The following ZNF438 variants were observed in gnomAD, a reference collection of about 807,000 sequenced individuals.
ZNF438 encodes the protein zinc finger protein 438.
ZNF438 carries 25 observed loss-of-function variants against 38.0 expected under a neutral mutation model. That is an observed-to-expected ratio of 0.66 (90% CI 0.48 to 0.92). The LOEUF (loss-of-function observed/expected upper bound fraction) is 0.92, where lower values mean the gene tolerates loss of function less well. Among genes scored for constraint, ZNF438 ranks in the 40% least tolerant of loss-of-function variants. ZNF438 has a pLI of 0.00. For missense variants in ZNF438, 1,007 were observed against 999.6 expected, an observed-to-expected ratio of 1.01 and a Z score of -0.10; for synonymous variants, 372 against 364.1, an observed-to-expected ratio of 1.02 and a Z score of -0.25.
At chr10:30,948,094 G>A (rs1203342822) in intron 1 of ZNF438, among the ~76,000 whole-genome samples, 1 of 152,150 alleles carries the variant, frequency 6.6e-6, no homozygotes, top group Non-Finnish European at 1.5e-5. Flanking sequence ...CCTGACCCCT[G>A]ACCCCTGAGC....
chr10:30,999,304 T>C (rs911443360), intron 1 of ZNF438: 2 of 152,150 alleles, frequency 1.3e-5, no homozygotes, highest in African/African-American at 4.8e-5. Flanking sequence ...TTCTCCCTCT[T>C]CTCTCTACTA....
intron 1 of ZNF438, among the ~76,000 whole-genome samples, chr10:31,015,840 T>A (rs537241117): frequency 4.9e-4 from 75 of 152,334 alleles, no homozygotes; most frequent in Admixed American, 2.0e-3. Context: ...TGCTAGCAGA[T>A]GGCTGTACTC....
chr10:31,029,345 T>C (rs2057136154), intron 1 of ZNF438, among the ~76,000 whole-genome samples: 1 of 152,208 alleles, frequency 6.6e-6, no homozygotes, highest in African/African-American at 2.4e-5. Flanking sequence ...TTACTAGCAC[T>C]GTTGTTATGA....
At chr10:31,018,024 T>C (rs753964282) in intron 1 of ZNF438, among the ~76,000 whole-genome samples, 2 of 152,222 alleles carry the variant, frequency 1.3e-5, no homozygotes, top group Admixed American at 6.5e-5. Flanking sequence ...ATTTTGTATG[T>C]ATAACTGAAG....
intron 1 of ZNF438, among the ~76,000 whole-genome samples, chr10:30,968,724 G>A (rs558589135): frequency 1.3e-5 from 2 of 152,044 alleles, no homozygotes; most frequent in African/African-American, 2.4e-5. Flanking sequence ...TTACAGGCGT[G>A]AGCCACCGTG....
chr10:30,926,713 A>G (rs1353167012), intron 2 of ZNF438, among the ~76,000 whole-genome samples: 1 of 152,150 alleles, frequency 6.6e-6, no homozygotes, highest in Non-Finnish European at 1.5e-5. Flanking sequence ...GATTATAAAT[A>G]AGAAATGTGC....
chr10:30,901,741 G>A (rs2134275311), intron 3 of ZNF438, among the ~76,000 whole-genome samples: 1 of 151,650 alleles, frequency 6.6e-6, no homozygotes, highest in Non-Finnish European at 1.5e-5. Flanking sequence ...CGCAATTGGT[G>A]GGTTCTTGGT....
chr10:30,859,456 C>T (rs548145737), intron 4 of ZNF438, among the ~76,000 whole-genome samples: 5 of 152,284 alleles, frequency 3.3e-5, no homozygotes, highest in South Asian at 2.1e-4. Context: ...ATTCCAAAGG[C>T]TCTTTCTACC....
At chr10:30,993,876 GC>G (rs1192365734) in intron 1 of ZNF438, among the ~76,000 whole-genome samples, 1 of 152,278 alleles carries the variant, frequency 6.6e-6, no homozygotes, top group East Asian at 1.9e-4. Flanking sequence ...GCACCCGTGT[GC>G]CCATGATGCA....
chr10:30,942,823 C>A (rs1477735649), intron 1 of ZNF438, among the ~76,000 whole-genome samples: 23 of 152,204 alleles, frequency 1.5e-4, no homozygotes, highest in Non-Finnish European at 2.9e-4. Flanking sequence ...GAACAGTTTG[C>A]ACATCTCCTA....
chr10:30,916,866 T>C (rs1450923638), intron 2 of ZNF438, among the ~76,000 whole-genome samples: 1 of 152,132 alleles, frequency 6.6e-6, no homozygotes, highest in Non-Finnish European at 1.5e-5. Context: ...AAATGTATTA[T>C]ATGGTTGATT....
intron 4 of ZNF438, among the ~76,000 whole-genome samples, chr10:30,852,956 T>C (rs1179844226): frequency 6.6e-6 from 1 of 152,130 alleles, no homozygotes; most frequent in Non-Finnish European, 1.5e-5. Flanking sequence ...ATTTTAAACC[T>C]CACCTTCTCA....
At chr10:30,902,025 G>A (rs563497641) in intron 3 of ZNF438, among the ~76,000 whole-genome samples, 2 of 151,974 alleles carry the variant, frequency 1.3e-5, no homozygotes, top group African/African-American at 2.4e-5. Flanking sequence ...CCTTCGCAGT[G>A]AGTGTTACAG....
At chr10:31,012,879 C>A (rs1305359335) in intron 1 of ZNF438, among the ~76,000 whole-genome samples, 1 of 152,162 alleles carries the variant, frequency 6.6e-6, no homozygotes, top group Non-Finnish European at 1.5e-5. Context: ...GTGAAGTAAA[C>A]TGAGGGAATC....
chr10:30,902,162 G>C lies in ZNF438; in HGVS notation c.-32+6771C>G, dbSNP rs112491429. Among the ~76,000 whole-genome samples the C allele has an allele frequency of 2.0e-3, 310 of 152,248 alleles. 2 individuals are homozygous for C. The highest frequency in any genetic ancestry group is 7.0e-3 in the African/African-American group (290 of 41,532). On this transcript the variant is annotated intron_variant, in intron 3 of 5. Transcript: ENST00000413025. ...TTGCCATGGCTGGGACTGGCAGCCT[G>C]CTTTTATTCTCTTATCTGGCCCCAC...
intron 1 of ZNF438, among the ~76,000 whole-genome samples, chr10:30,953,650 A>G (rs1175812403): frequency 1.2e-5 from 1 of 82,762 alleles, no homozygotes; most frequent in Non-Finnish European, 2.4e-5. Context: ...AAAAAAAAAA[A>G]CATACACACA....
intron 3 of ZNF438, among the ~76,000 whole-genome samples, chr10:30,897,207 T>C (rs1044858693): frequency 3.3e-5 from 5 of 152,330 alleles, no homozygotes; most frequent in Admixed American, 1.3e-4. Flanking sequence ...TCTGGGTAGT[T>C]TTTTGAGGAA....
At position 30,937,749 on chromosome 10, in the gene ZNF438, T is replaced by G. The variant is rs1589290340; in HGVS notation, c.-115+3826A>C. ...CACTTAAAAAGGTGGCTCTTCTCTT[T>G]ATTACCACGACCACTGCTCTAATTC... On this transcript the variant is annotated intron_variant, in intron 2 of 5. Transcript: ENST00000413025. Among the ~76,000 whole-genome samples the G allele has an allele frequency of 3.9e-5, 6 of 152,244 alleles. No individual in the cohort carries two copies. In the South Asian group the frequency reaches 1.2e-3, roughly 31 times the overall value.
chr10:30,903,858 AGT>A (rs1326608137), intron 3 of ZNF438, among the ~76,000 whole-genome samples: 1 of 152,206 alleles, frequency 6.6e-6, no homozygotes, highest in Non-Finnish European at 1.5e-5. Context: ...TCTTGAAAAC[AGT>A]GTGATGCAAT....
Sources: allele counts gnomAD v4.1 joint callset (sites outside exome capture counted in the v4.1 genomes callset), GRCh38; gene constraint gnomAD v4.1.1; transcripts MANE v1.5; gene names NCBI Gene and HGNC (gene_info 2026-07-23, HGNC 2026-07-21).